Variants in ADGRL3 observed in about 807,000 individuals in gnomAD.
ADGRL3 encodes the protein calcium-independent alpha-latrotoxin receptor 3.
In ADGRL3, 62 loss-of-function variants were observed where a neutral mutation model predicts 153.5. The observed-to-expected ratio is 0.40, with a 90% CI of 0.33 to 0.50. The LOEUF (loss-of-function observed/expected upper bound fraction) is 0.50, where lower values mean the gene tolerates loss of function less well. ADGRL3 is among the 20% of genes least tolerant of loss of function. The probability of loss-of-function intolerance (pLI) is 0.47; values close to 1 mark genes in which losing one functional copy is unlikely to be tolerated. For missense variants in ADGRL3, 1,641 were observed against 1,859.4 expected, an observed-to-expected ratio of 0.88 and a Z score of 2.16; for synonymous variants, 710 against 672.5, an observed-to-expected ratio of 1.06 and a Z score of -0.86.
At chr4:61,254,127 G>T (rs1244436797) in intron 1 of ADGRL3, among the ~76,000 whole-genome samples, 1 of 152,074 alleles carries the variant, frequency 6.6e-6, no homozygotes, top group Non-Finnish European at 1.5e-5. Context: ...AACTCATTAT[G>T]CATTATTTCT....
chr4:61,773,082 A>G (rs944662209), intron 8 of ADGRL3, among the ~76,000 whole-genome samples: 9 of 152,218 alleles, frequency 5.9e-5, no homozygotes, highest in African/African-American at 2.2e-4. Context: ...ATAAAAGTCG[A>G]TCATACTGAA....
Position 61,852,991 on chromosome 4 carries a change from T to C in ADGRL3, c.1480+39102T>C, listed in dbSNP as rs147557945. ...TTTTGGTAGTTTATCCTTCTTTCCA[T>C]GCTTGTTTTTTGTTGGTTGGTTGGT... On this transcript the variant is annotated intron_variant, in intron 9 of 26. Coordinates refer to ENST00000683033, the MANE Select transcript of ADGRL3 (RefSeq NM_001387552.1). Among the ~76,000 whole-genome samples the C allele has an allele frequency of 4.6e-3, 702 of 152,180 alleles. 6 individuals carry two copies. The highest frequency in any genetic ancestry group is 0.016 in the African/African-American group (679 of 41,492).
At chr4:61,796,248 A>G (rs1427634854) in intron 8 of ADGRL3, among the ~76,000 whole-genome samples, 1 of 152,106 alleles carries the variant, frequency 6.6e-6, no homozygotes, top group Non-Finnish European at 1.5e-5. Context: ...TGCTGTCTCT[A>G]TTAGAATGGG....
chr4:61,857,190 C>T (rs1276768150), intron 9 of ADGRL3, among the ~76,000 whole-genome samples: 2 of 151,522 alleles, frequency 1.3e-5, no homozygotes, highest in East Asian at 2.0e-4. Flanking sequence ...CCACAGCCTC[C>T]AAAAGTACTG....
chr4:61,626,732 A>G (rs762631055), intron 5 of ADGRL3, among the ~76,000 whole-genome samples: 98 of 152,122 alleles, frequency 6.4e-4, no homozygotes, highest in Non-Finnish European at 1.2e-3. Flanking sequence ...TTTATTTATC[A>G]GTGAAATTAT....
chr4:61,682,337 C>T (rs1347871374), intron 6 of ADGRL3, among the ~76,000 whole-genome samples: 1 of 151,832 alleles, frequency 6.6e-6, no homozygotes, highest in Non-Finnish European at 1.5e-5. Context: ...CATTCTTTCT[C>T]TCCCTTACCA....
intron 1 of ADGRL3, among the ~76,000 whole-genome samples, chr4:61,254,582 T>TATAG (rs1235827218): frequency 6.6e-6 from 1 of 152,150 alleles, no homozygotes; most frequent in Admixed American, 6.6e-5. Context: ...CACTTACCCT[T>TATAG]ATAGATCCCT....
At chr4:61,341,006 C>CT in intron 1 of ADGRL3, among the ~76,000 whole-genome samples, 1 of 151,924 alleles carries the variant, frequency 6.6e-6, no homozygotes, top group South Asian at 2.1e-4. Flanking sequence ...TTTAAATAAA[C>CT]TAAGAGAATG....
intron 5 of ADGRL3, among the ~76,000 whole-genome samples, chr4:61,669,741 A>G (rs1005157306): frequency 1.3e-5 from 2 of 152,184 alleles, no homozygotes; most frequent in African/African-American, 4.8e-5. Context: ...ATATAAACTC[A>G]TATGATTAAT....
At chr4:61,602,978 T>C (rs2099017732) in intron 5 of ADGRL3, among the ~76,000 whole-genome samples, 1 of 152,190 alleles carries the variant, frequency 6.6e-6, no homozygotes. Flanking sequence ...CTACAAATCA[T>C]TCCTTTGGCC....
intron 4 of ADGRL3, among the ~76,000 whole-genome samples, chr4:61,525,746 C>A (rs1214925801): frequency 6.6e-6 from 1 of 151,688 alleles, no homozygotes; most frequent in African/African-American, 2.4e-5. Flanking sequence ...GAGGTGAGGT[C>A]GAGGGAAGAA....
At chr4:61,995,232 CAT>C (rs2099117718) in intron 19 of ADGRL3, among the ~76,000 whole-genome samples, 2 of 151,636 alleles carry the variant, frequency 1.3e-5, no homozygotes, top group Admixed American at 6.6e-5. Flanking sequence ...ATCCTATTGA[CAT>C]ACGTAGATCT....
chr4:61,439,414 C>A (rs1029464501), intron 2 of ADGRL3, among the ~76,000 whole-genome samples: 3 of 152,162 alleles, frequency 2.0e-5, no homozygotes, highest in African/African-American at 7.2e-5. Context: ...AGAAGTGACA[C>A]TTCTCTTGCT....
intron 22 of ADGRL3, among the ~76,000 whole-genome samples, chr4:62,030,325 A>T (rs1440226610): frequency 1.3e-5 from 2 of 151,544 alleles, no homozygotes; most frequent in Non-Finnish European, 3.0e-5. Flanking sequence ...ATAGTGGAGG[A>T]TAATAATCTG....
At chr4:61,922,214 A>G (rs1310962525) in intron 13 of ADGRL3, among the ~76,000 whole-genome samples, 2 of 152,182 alleles carry the variant, frequency 1.3e-5, no homozygotes, top group Non-Finnish European at 2.9e-5. Context: ...TTCTTTTTGT[A>G]TGGAGTTTTA....
At chr4:61,915,782 C>T (rs2098742536) in intron 13 of ADGRL3, among the ~76,000 whole-genome samples, 1 of 152,016 alleles carries the variant, frequency 6.6e-6, no homozygotes, top group Admixed American at 6.6e-5. Flanking sequence ...ATTTTAAAGA[C>T]TTGTTTTATG....
intron 1 of ADGRL3, among the ~76,000 whole-genome samples, chr4:61,213,460 T>A (rs1161881182): frequency 6.6e-6 from 1 of 152,026 alleles, no homozygotes; most frequent in Non-Finnish European, 1.5e-5. Flanking sequence ...ATATTTAAAT[T>A]TTTTTTCTGA....
intron 4 of ADGRL3, among the ~76,000 whole-genome samples, chr4:61,553,150 A>T (rs559251865): frequency 5.0e-4 from 76 of 152,316 alleles, no homozygotes; most frequent in Middle Eastern, 6.8e-3. Context: ...ATATGTTACT[A>T]AATTGCCTGG....
chr4:61,639,244 T>C (rs940096774), intron 5 of ADGRL3, among the ~76,000 whole-genome samples: 6 of 152,172 alleles, frequency 3.9e-5, no homozygotes, highest in African/African-American at 9.7e-5. Context: ...ATGTTAGGTG[T>C]ATTGTGATGA....
Sources: gnomAD v4.1 joint callset for allele counts (sites outside exome capture counted in the v4.1 genomes callset) on GRCh38, gnomAD v4.1.1 for gene constraint, MANE v1.5 for transcripts, NCBI Gene and HGNC (gene_info 2026-07-23, HGNC 2026-07-21) for gene names.